EEA1: variants seen among roughly 807,000 people sequenced by gnomAD.
EEA1 encodes early endosome antigen 1.
Under a neutral mutation model 209.2 loss-of-function variants are expected in EEA1, and 111 were observed. That is an observed-to-expected ratio of 0.53 (90% CI 0.45 to 0.62). The LOEUF (loss-of-function observed/expected upper bound fraction) is 0.62. Among genes scored for constraint, EEA1 ranks in the 20% least tolerant of loss-of-function variants. The pLI is 0.00. For missense variants in EEA1, 1,343 were observed against 1,530.8 expected (o/e 0.88, Z 2.05); for synonymous variants, 536 against 540.6 (o/e 0.99, Z 0.12).
chr12:92,822,906 A>T (rs533265373), intron 13 of EEA1, among the ~76,000 whole-genome samples: 2 of 152,076 alleles, frequency 1.3e-5, no homozygotes, highest in Non-Finnish European at 2.9e-5. Context: ...TCTCACATTC[A>T]CTAACACAGC....
chr12:92,787,971 C>G lies in EEA1; in HGVS notation c.3046G>C (p.Val1016Leu). 6.2e-7 allele frequency: 1 copy of G among 1,613,032 alleles called. No homozygotes were observed. Among genetic ancestry groups the G allele is most frequent in the Non-Finnish European group, 8.5e-7 (1 of 1,179,522 alleles). The change falls in exon 22 of 29, where the codon GTA becomes CTA. Residue 1016 changes from valine to leucine, a missense_variant. Val to Leu is a conservative substitution (Grantham distance 32, BLOSUM62 1). Around this residue, in one of 3 missense-constraint regions of EEA1, gnomAD observed 1,307 missense variants for 1,465.5 expected, o/e 0.89. Coordinates refer to ENST00000322349, the MANE Select transcript of EEA1 (RefSeq NM_003566.4). ...ELAAEKEKISVLQNNYEKSQE... is the reference protein window; with the variant it reads ...ELAAEKEKISLLQNNYEKSQE... ...CTTTTTTCATAGTTGTTTTGTAATACTGATATTTTCTCTTTCTCTGCTGCA... is the reference window on the plus strand; with the variant it reads ...CTTTTTTCATAGTTGTTTTGTAATAGTGATATTTTCTCTTTCTCTGCTGCA...
chr12:92,858,504 G>A (rs1278493877), intron 3 of EEA1: 9 of 895,368 alleles, frequency 1.0e-5, no homozygotes, highest in East Asian at 2.4e-5. Flanking sequence ...GTTTGGCTAC[G>A]CCACTGATGA....
At position 92,929,106 on chromosome 12, in the gene EEA1, G is replaced by A. The variant is rs553398188; in HGVS notation, c.-40C>T. ...CCGGCGCCGCCGCGGTGACTCTCCA[G>A]ACCCTGCGCGGGGCCACTCACTACT... On this transcript the variant is annotated 5_prime_UTR_variant, in exon 1 of 29. Coordinates refer to ENST00000322349, the MANE Select transcript of EEA1 (RefSeq NM_003566.4). 1 of 1,564,282 alleles carries A rather than the reference G, an allele frequency of 6.4e-7. No individual in the cohort carries two copies. The highest frequency in any genetic ancestry group is 1.2e-5 in the South Asian group (1 of 85,996).
intron 1 of EEA1, chr12:92,895,359 GT>G (rs971696298): frequency 8.5e-5 from 13 of 153,794 alleles, no homozygotes; most frequent in African/African-American, 2.7e-4. Flanking sequence ...TAGAGACAGG[GT>G]TTCACCGTGT....
At chr12:92,834,646 AC>A (rs1273460434) in intron 10 of EEA1, among the ~76,000 whole-genome samples, 1 of 152,014 alleles carries the variant, frequency 6.6e-6, no homozygotes, top group Non-Finnish European at 1.5e-5. Flanking sequence ...AAAATTAGCT[AC>A]AAGATGTGTG....
Position 92,777,618 on chromosome 12 carries a change from T to C in EEA1, c.3939A>G (p.Val1313=). ...TATCCAGCTTTCTTTGCAATTCTAA[T>C]ACTTTGGTTTGAAGCTTTTCTATTT... ...EGEIEKLQTK[V]LELQRKLDNT... is the part of the protein sequence containing the mutation. Residue 1313 remains valine (V), a synonymous_variant, in exon 27 of 29, where the codon GTA becomes GTG. Transcript: ENST00000322349. 1 of 1,612,358 alleles carries C rather than the reference T, an allele frequency of 6.2e-7. No homozygotes were observed. Among genetic ancestry groups the C allele is most frequent in the Non-Finnish European group, 8.5e-7 (1 of 1,178,916 alleles).
At position 92,866,191 on chromosome 12, in the gene EEA1, CAAAAAAAAAAAA is replaced by C. The variant is rs11317190; in HGVS notation, c.118-1216_118-1205del. Among the ~76,000 whole-genome samples, 362 of 71,750 alleles carry C rather than the reference CAAAAAAAAAAAA, an allele frequency of 5.0e-3. 3 individuals are homozygous for C. The highest frequency in any genetic ancestry group is 0.02 in the African/African-American group (350 of 17,694). The allele number at this position is 71,750 out of a possible 152,430, so 47.1% of individuals were successfully genotyped here. A position where few individuals can be genotyped will look rare whatever the true frequency, so the allele number is the denominator to read the frequency against. ...TGGGTGACAGAGCAAGACTCCTTCT[CAAAAAAAAAAAA>C]AAAAAAAAAAAAGAATATTTGTAGT... is the stretch of plus-strand genomic sequence containing the variant. On this transcript the variant is annotated intron_variant, in intron 2 of 28. Coordinates refer to ENST00000322349, the MANE Select transcript of EEA1 (RefSeq NM_003566.4).
At position 92,906,073 on chromosome 12, in the gene EEA1, ATTTTC is replaced by A. The variant is rs752513137; in HGVS notation, c.25-14357_25-14353del. ...AGATGAGTGCCACCACACCTGGCTAATTTTCTTTTCTTTTCTTTTCTTTTTTTTTT... is the reference window on the plus strand; with the variant it reads ...AGATGAGTGCCACCACACCTGGCTAATTTTCTTTTCTTTTCTTTTTTTTTT... On this transcript the variant is annotated intron_variant, in intron 1 of 28. Transcript: ENST00000322349. 6.5e-4 allele frequency among the ~76,000 whole-genome samples: 96 copies of A among 148,334 alleles called. 1 individual carries two copies. The East Asian group carries it at 0.012, about 18-fold the overall frequency.
chr12:92,882,112 CT>C (rs972027954), intron 2 of EEA1, among the ~76,000 whole-genome samples: 4 of 147,702 alleles, frequency 2.7e-5, no homozygotes, highest in South Asian at 2.2e-4. Flanking sequence ...TATGATTTTT[CT>C]TTTTTTTTTG....
chr12:92,809,058 T>A lies in EEA1; in HGVS notation c.2298A>T (p.Arg766Ser). The A allele has an allele frequency of 6.2e-7, 1 of 1,605,438 alleles. No individual in the cohort carries two copies. The highest frequency in any genetic ancestry group is 8.5e-7 in the Non-Finnish European group (1 of 1,175,454). The change falls in exon 18 of 29, where the codon AGA (arginine) becomes AGT (serine). Residue 766 changes from arginine (R) to serine (S), a missense_variant. Transcript: ENST00000322349. ...QRQLNTDLEL[R>S]ATELSKQLEM... Reference sequence around the variant, plus strand: ...CAAGTTGTTTACTCAATTCTGTGGCTCTGAGCTCTAAATCTGTGTTCAGCT... The same window carrying A: ...CAAGTTGTTTACTCAATTCTGTGGCACTGAGCTCTAAATCTGTGTTCAGCT...
At position 92,803,023 on chromosome 12, in the gene EEA1, C is replaced by T. The variant is rs190519577; in HGVS notation, c.2340-289G>A. On this transcript the variant is annotated intron_variant, in intron 18 of 28. Coordinates refer to ENST00000322349, the MANE Select transcript of EEA1 (RefSeq NM_003566.4). ...CATTTTTGTCCGCCACAACTAATCC[C>T]GAGGAAAAAAACTATGTATCACAGA... Among the ~76,000 whole-genome samples the T allele has an allele frequency of 9.9e-5, 15 of 151,988 alleles. No homozygotes were observed. In the East Asian group the frequency reaches 2.3e-3, roughly 23 times the overall value.
At chr12:92,791,799 C>A (rs1436726356) in intron 21 of EEA1, among the ~76,000 whole-genome samples, 1 of 152,146 alleles carries the variant, frequency 6.6e-6, no homozygotes, top group African/African-American at 2.4e-5. Flanking sequence ...GAACTCTCCA[C>A]CCCAAATCAA....
chr12:92,853,960 T>G lies in EEA1; in HGVS notation c.367-6A>C. On this transcript the variant is annotated splice_region_variant and splice_polypyrimidine_tract_variant and intron_variant, in intron 5 of 28. Coordinates refer to ENST00000322349, the MANE Select transcript of EEA1 (RefSeq NM_003566.4). Reference sequence around the variant, plus strand: ...AACCCATCAGGTTTGGCCTCCTCAATTAAAACAAAAGACATAAACAAATGA... The same window carrying G: ...AACCCATCAGGTTTGGCCTCCTCAAGTAAAACAAAAGACATAAACAAATGA... The G allele has an allele frequency of 6.4e-7, 1 of 1,571,892 alleles. No homozygotes were observed. Among genetic ancestry groups the G allele is most frequent in the Non-Finnish European group, 8.6e-7 (1 of 1,160,156 alleles).
intron 1 of EEA1, chr12:92,895,508 GA>G (rs56326442): frequency 0.94 from 138,021 of 146,558 alleles, 64,920 homozygotes; most frequent in East Asian, 1. Context: ...GCTGCCACTG[GA>G]AAAAAAAAAA....
chr12:92,825,855 T>C (rs1248832073), intron 13 of EEA1, among the ~76,000 whole-genome samples: 1 of 149,984 alleles, frequency 6.7e-6, no homozygotes, highest in Non-Finnish European at 1.5e-5. Flanking sequence ...ACTGATTTAA[T>C]AGATAAATCT....
rs1458039811 is a variant in EEA1 at position 92,851,130 on chromosome 12, G to A, written c.779C>T (p.Ser260Leu). Residue 260 changes from serine (S) to leucine (L), a missense_variant, in exon 9 of 29, where the codon TCA becomes TTA. Physicochemically the swap from Ser to Leu is moderately radical, Grantham distance 145. Transcript: ENST00000322349. ...CATTACCTCTGAGCTAGCATATTGT[G>A]ACTGCAATTTTTTGCATTCATCTTT... ...KLKDECKKLQSQYASSEATIS... is the reference protein window; with the variant it reads ...KLKDECKKLQLQYASSEATIS... The A allele has an allele frequency of 6.2e-7, 1 of 1,613,590 alleles. No homozygotes were observed. The highest frequency in any genetic ancestry group is 1.3e-5 in the African/African-American group (1 of 74,968).
chr12:92,851,124 T>C lies in EEA1; in HGVS notation c.785A>G (p.Tyr262Cys), dbSNP rs1877610894. 1.2e-5 allele frequency: 20 copies of C among 1,613,818 alleles called. No individual in the cohort carries two copies. The highest frequency in any genetic ancestry group is 1.7e-5 in the Non-Finnish European group (20 of 1,179,886). Reference sequence around the variant, plus strand: ...GAACTTCATTACCTCTGAGCTAGCATATTGTGACTGCAATTTTTTGCATTC... The same window carrying C: ...GAACTTCATTACCTCTGAGCTAGCACATTGTGACTGCAATTTTTTGCATTC... Reference protein sequence around the residue: ...KDECKKLQSQYASSEATISQL... With the variant: ...KDECKKLQSQCASSEATISQL... Residue 262 changes from tyrosine (Y) to cysteine (C), a missense_variant, in exon 9 of 29, where the codon TAT becomes TGT. Tyr to Cys is a radical substitution (Grantham distance 194, BLOSUM62 -2). This residue lies in a region of EEA1 where 1,307 missense variants were observed against 1,465.5 expected (regional missense o/e 0.89). Transcript: ENST00000322349.
chr12:92,913,587 C>A lies in EEA1; in HGVS notation c.24+15456G>T, dbSNP rs568607330. 4.6e-5 allele frequency among the ~76,000 whole-genome samples: 7 copies of A among 152,174 alleles called. No individual in the cohort carries two copies. The South Asian group carries it at 8.3e-4, about 18-fold the overall frequency. On this transcript the variant is annotated intron_variant, in intron 1 of 28. Transcript: ENST00000322349. ...GCTTTTGAGGTCTCAGTCATAAATT[C>A]TTCGCCCAGGCTAATGTCCAGAGAG...
intron 18 of EEA1, among the ~76,000 whole-genome samples, chr12:92,803,906 A>T (rs905074819): frequency 6.6e-6 from 1 of 152,202 alleles, no homozygotes; most frequent in African/African-American, 2.4e-5. Flanking sequence ...TTCAAAATTA[A>T]TTACAAAATC....
Sources: gnomAD v4.1 joint callset for allele counts (sites outside exome capture counted in the v4.1 genomes callset) on GRCh38, gnomAD v4.1.1 for gene constraint, gnomAD v4.1.1 regional missense constraint, MANE v1.5 for transcripts, NCBI Gene and HGNC (gene_info 2026-07-23, HGNC 2026-07-21) for gene names.